The following BBS12 variants were observed in gnomAD, a reference collection of about 807,000 sequenced individuals.
BBS12 encodes chaperonin-containing T-complex member BBS12.
In BBS12, 5 loss-of-function variants were observed where a neutral mutation model predicts 5.6. The ratio of observed to expected loss-of-function variants is 0.89; its 90% CI spans 0.46 to 1.86. BBS12 has a LOEUF of 1.86. Among genes scored for constraint, BBS12 ranks in the 40% most tolerant of loss-of-function variants. The pLI, the probability that BBS12 is intolerant of heterozygous loss-of-function variation, is 0.01. For missense variants in BBS12, 748 were observed against 830.4 expected (o/e 0.90, Z 1.22); for synonymous variants, 308 against 306.8 (o/e 1.00, Z -0.04).
At position 122,735,739 on chromosome 4, in the gene BBS12, C is replaced by T. The variant is rs138749448; in HGVS notation, c.-11+2855C>T. The stretch of plus-strand genomic sequence containing the variant: ...TGTGTCAGGCAATATTGTAGGTACT[C>T]GGGATATACATCATTGACTAAAATT... On this transcript the variant is annotated intron_variant, in intron 1 of 1. Coordinates refer to ENST00000314218, the MANE Select transcript of BBS12 (RefSeq NM_152618.3). 4.6e-3 allele frequency among the ~76,000 whole-genome samples: 707 copies of T among 152,160 alleles called. 5 individuals are homozygous for T. Among genetic ancestry groups the T allele is most frequent in the African/African-American group, 0.016 (669 of 41,512 alleles).
At chr4:122,734,261 A>G (rs1175582129) in intron 1 of BBS12, among the ~76,000 whole-genome samples, 2 of 151,976 alleles carry the variant, frequency 1.3e-5, no homozygotes, top group African/African-American at 4.8e-5. Context: ...ATCAGTTTCA[A>G]GGTCATACAC....
At chr4:122,732,929 C>G (rs1006598857) in intron 1 of BBS12, 45 bp downstream of exon 1, 12 of 152,350 alleles carry the variant, frequency 7.9e-5, no homozygotes, top group African/African-American at 2.9e-4. Flanking sequence ...TAAGTCTTTC[C>G]TGAAGACGTG....
rs1800925416 is a variant in BBS12 at position 122,743,414 on chromosome 4, G to T, written c.1522G>T (p.Val508Phe). The T allele has an allele frequency of 6.2e-7, 1 of 1,614,098 alleles. No individual in the cohort carries two copies. The highest frequency in any genetic ancestry group is 1.3e-5 in the African/African-American group (1 of 74,934). Residue 508 changes from valine (V) to phenylalanine (F), a missense_variant, in exon 2 of 2, where the codon GTT (valine) becomes TTT (phenylalanine). Physicochemically the swap from Val to Phe is conservative, Grantham distance 50 (BLOSUM62 -1). Transcript: ENST00000314218. The part of the protein sequence containing the change: ...NLVTAVLTNP[V>F]TAQMQIKEDR... Reference sequence around the variant, plus strand: ...GGTTACGGCCGTGCTCACTAACCCAGTTACTGCACAGATGCAAATCAAAGA... The same window carrying T: ...GGTTACGGCCGTGCTCACTAACCCATTTACTGCACAGATGCAAATCAAAGA...
intron 1 of BBS12, among the ~76,000 whole-genome samples, chr4:122,739,178 T>C (rs1357847388): frequency 6.6e-6 from 1 of 152,236 alleles, no homozygotes; most frequent in Non-Finnish European, 1.5e-5. Flanking sequence ...ATTTTGATTT[T>C]GGGCTTCTAG....
At chr4:122,703,217 G>C in the BBS12 span, among the ~76,000 whole-genome samples, 1 of 152,052 alleles carries the variant, frequency 6.6e-6, no homozygotes, top group Non-Finnish European at 1.5e-5. Flanking sequence ...CAGAATTGCT[G>C]TATTGAAAGG....
At chr4:122,726,750 A>T in the BBS12 span, among the ~76,000 whole-genome samples, 3,770 of 152,318 alleles carry the variant, frequency 0.025, 75 homozygotes, top group African/African-American at 0.049. Context: ...TCATATATAT[A>T]TAATATGGAA....
the BBS12 span, among the ~76,000 whole-genome samples, chr4:122,702,979 T>C: frequency 6.6e-6 from 1 of 152,242 alleles, no homozygotes; most frequent in Non-Finnish European, 1.5e-5. Context: ...AAAAATTTTG[T>C]TCCACAATTG....
At chr4:122,713,834 C>A in the BBS12 span, among the ~76,000 whole-genome samples, 1 of 152,110 alleles carries the variant, frequency 6.6e-6, no homozygotes, top group South Asian at 2.1e-4. Context: ...AAAGATTATA[C>A]CCTTTTTCAT....
the BBS12 span, among the ~76,000 whole-genome samples, chr4:122,718,719 G>GAAATGAAATA: frequency 1.5e-5 from 2 of 133,300 alleles, no homozygotes; most frequent in Non-Finnish European, 1.6e-5. Context: ...GATGTGAAAT[G>GAAATGAAATA]AAATGAAATG....
rs969284046 is a variant in BBS12 at position 122,743,562 on chromosome 4, C to T, written c.1670C>T (p.Ser557Phe). ...TGTCTTCATATTCTTGCAGAGCAAT[C>T]TCTGAAAAAAGAAAACCATGCCTGC... ...LSCLHILAEQ[S>F]LKKENHACSG... Residue 557 changes from serine (S) to phenylalanine (F), a missense_variant, in exon 2 of 2, where the codon TCT becomes TTT. Transcript: ENST00000314218. 1 of 1,614,180 alleles carries T rather than the reference C, an allele frequency of 6.2e-7. No individual in the cohort carries two copies. Among genetic ancestry groups the T allele is most frequent in the Non-Finnish European group, 8.5e-7 (1 of 1,180,038 alleles).
chr4:122,708,143 C>T, the BBS12 span, among the ~76,000 whole-genome samples: 2 of 151,994 alleles, frequency 1.3e-5, no homozygotes, highest in African/African-American at 4.8e-5. Context: ...TCCCGAGTAG[C>T]TGGGACCACA....
In BBS12 at chr4:122,744,101, C is replaced by T. The variant is rs1800948459; in HGVS notation, c.*76C>T. On this transcript the variant is annotated 3_prime_UTR_variant, in exon 2 of 2. Coordinates refer to ENST00000314218, the MANE Select transcript of BBS12 (RefSeq NM_152618.3). ...ATAATAAATATATTGATAGCCAAGT[C>T]ATGGTGCCTAAAATGCCAGCTATTG... 3 of 1,456,990 alleles carry T rather than the reference C, an allele frequency of 2.1e-6. No homozygotes were observed. Among genetic ancestry groups the T allele is most frequent in the Admixed American group, 3.4e-5 (2 of 58,226 alleles). 90.3% of individuals were successfully genotyped at this position (1,456,990 alleles called of 1,614,324 possible).
the BBS12 span, among the ~76,000 whole-genome samples, chr4:122,705,655 A>G: frequency 1.3e-5 from 2 of 152,348 alleles, no homozygotes; most frequent in East Asian, 1.9e-4. Context: ...TAGCCTAAGA[A>G]GAAAATGTAT....
chr4:122,720,438 G>A, the BBS12 span, among the ~76,000 whole-genome samples: 2 of 152,098 alleles, frequency 1.3e-5, no homozygotes, highest in South Asian at 4.1e-4. Flanking sequence ...GCAACAGAGC[G>A]AGACTCTATC....
the BBS12 span, among the ~76,000 whole-genome samples, chr4:122,712,088 G>A: frequency 3.9e-5 from 6 of 152,344 alleles, no homozygotes; most frequent in African/African-American, 1.2e-4. Flanking sequence ...CCTAGGTGCT[G>A]AGGCTTCCAG....
chr4:122,701,439 CA>C, the BBS12 span, among the ~76,000 whole-genome samples: 105,037 of 152,124 alleles, frequency 0.69, 37,887 homozygotes, highest in East Asian at 0.95. Context: ...AGAAAAATGT[CA>C]AAAGACCTAC....
At chr4:122,708,520 C>T in the BBS12 span, among the ~76,000 whole-genome samples, 1 of 151,976 alleles carries the variant, frequency 6.6e-6, no homozygotes, top group South Asian at 2.1e-4. Context: ...TTTCACCTGA[C>T]ATATATGGTA....
the BBS12 span, among the ~76,000 whole-genome samples, chr4:122,719,029 C>A: frequency 6.6e-6 from 1 of 152,118 alleles, no homozygotes; most frequent in Non-Finnish European, 1.5e-5. Flanking sequence ...CCATGTTAGC[C>A]AGGATGGTCT....
At chr4:122,706,815 T>A in the BBS12 span, among the ~76,000 whole-genome samples, 1 of 152,196 alleles carries the variant, frequency 6.6e-6, no homozygotes, top group Non-Finnish European at 1.5e-5. Context: ...ACTAAGGCAG[T>A]AGAAACCATG....
Sources: allele counts gnomAD v4.1 joint callset (sites outside exome capture counted in the v4.1 genomes callset), GRCh38; gene constraint gnomAD v4.1.1; transcripts MANE v1.5; gene names NCBI Gene and HGNC (gene_info 2026-07-23, HGNC 2026-07-21).